HDGFL3: variants seen among roughly 807,000 people sequenced by gnomAD.
HDGFL3 encodes the protein hepatoma-derived growth factor-related protein 3.
In HDGFL3, 6 loss-of-function variants were observed where a neutral mutation model predicts 27.6. The observed-to-expected ratio is 0.22, with a 90% CI of 0.12 to 0.43. The LOEUF (loss-of-function observed/expected upper bound fraction) is 0.43, where lower values mean the gene tolerates loss of function less well. Among genes scored for constraint, HDGFL3 ranks in the 20% least tolerant of loss-of-function variants. The probability of loss-of-function intolerance (pLI) is 1.00; values close to 1 mark genes in which losing one functional copy is unlikely to be tolerated. For synonymous variants in HDGFL3, 88 were observed against 88.9 expected (o/e 0.99, Z 0.05); for missense variants, 207 against 250.1 (o/e 0.83, Z 1.16).
chr15:83,201,675 C>A (rs2037649097), intron 1 of HDGFL3, among the ~76,000 whole-genome samples: 1 of 152,122 alleles, frequency 6.6e-6, no homozygotes, highest in Non-Finnish European at 1.5e-5. Flanking sequence ...AAACTGACTT[C>A]CGAGAATTAA....
At chr15:83,169,855 C>A (rs1487678627) in intron 1 of HDGFL3, among the ~76,000 whole-genome samples, 1 of 152,066 alleles carries the variant, frequency 6.6e-6, no homozygotes, top group Non-Finnish European at 1.5e-5. Context: ...TGGTAACTGA[C>A]AAATGACTTC....
rs1462736727 is a variant in HDGFL3 at position 83,131,746 on chromosome 15, A to T, written c.*7524T>A. 1 of 152,336 alleles carries T rather than the reference A, an allele frequency of 6.6e-6. No homozygotes were observed. Among genetic ancestry groups the T allele is most frequent in the East Asian group, 1.9e-4 (1 of 5,182 alleles). The allele number at this position is 152,336 out of a possible 1,614,324, so 9.4% of individuals were successfully genotyped here. ...AAAAGATCAAGGAAAGAGTAAAAGA[A>T]GATTGAATAAAATGAAACCAGGACA... On this transcript the variant is annotated 3_prime_UTR_variant, in exon 6 of 6. Coordinates refer to ENST00000299633, the MANE Select transcript of HDGFL3 (RefSeq NM_016073.4).
At chr15:83,175,628 G>A (rs778334360) in intron 1 of HDGFL3, among the ~76,000 whole-genome samples, 17 of 152,336 alleles carry the variant, frequency 1.1e-4, no homozygotes, top group Non-Finnish European at 2.2e-4. Flanking sequence ...GGAAGGCCGA[G>A]GTGGGTGGAT....
Position 83,136,014 on chromosome 15 carries a change from C to T in HDGFL3, c.*3256G>A, listed in dbSNP as rs1383200379. 2 of 152,636 alleles carry T rather than the reference C, an allele frequency of 1.3e-5. No homozygotes were observed. Among genetic ancestry groups the T allele is most frequent in the Admixed American group, 1.3e-4 (2 of 15,290 alleles). The allele number at this position is 152,636 out of a possible 1,614,324, so 9.5% of individuals were successfully genotyped here. A position where few individuals can be genotyped will look rare whatever the true frequency, so the allele number is the denominator to read the frequency against. On this transcript the variant is annotated 3_prime_UTR_variant, in exon 6 of 6. Coordinates refer to ENST00000299633, the MANE Select transcript of HDGFL3 (RefSeq NM_016073.4). ...TGAGGTCCCCCCAGTGCTTCCCTTT[C>T]AATAGTTTATGCTAAAAATATTTGT...
At chr15:83,168,566 C>G (rs1470389086) in intron 1 of HDGFL3, among the ~76,000 whole-genome samples, 1 of 152,116 alleles carries the variant, frequency 6.6e-6, no homozygotes, top group Non-Finnish European at 1.5e-5. Flanking sequence ...ACGTACATTC[C>G]TGGAAAGATT....
Position 83,207,343 on chromosome 15 carries a change from G to C in HDGFL3, c.72C>G (p.His24Gln). 1.1e-5 allele frequency: 16 copies of C among 1,401,088 alleles called. No individual in the cohort carries two copies. Among genetic ancestry groups the C allele is most frequent in the Non-Finnish European group, 1.5e-5 (16 of 1,072,936 alleles). The allele number at this position is 1,401,088 out of a possible 1,614,324, so 86.8% of individuals were successfully genotyped here. ...CCGCGGTACTCACCCGGGCCGGCCA[G>C]TGCGGGTAGCCCTTCATCTTGGCGA... ...LVFAKMKGYP[H>Q]WPARIDELPE... Residue 24 changes from histidine (H) to glutamine (Q), a missense_variant, in exon 1 of 6, where the codon CAC becomes CAG. Transcript: ENST00000299633. This position sits in a 1 kb window ranked among gnomAD's most constrained non-coding sequence, Gnocchi z 4.8.
At chr15:83,139,412 A>G (rs2036723393) in intron 5 of HDGFL3, 137 bp from the exon 6 acceptor site, 2 of 460,236 alleles carry the variant, frequency 4.3e-6, no homozygotes, top group African/African-American at 4.0e-5. Context: ...AACAATACTT[A>G]CTGAGCAAGA....
In HDGFL3 at chr15:83,133,120, ATACGGC is replaced by A. The variant is rs2151384955; in HGVS notation, c.*6144_*6149del. On this transcript the variant is annotated 3_prime_UTR_variant, in exon 6 of 6. Transcript: ENST00000299633. The stretch of plus-strand genomic sequence containing the variant: ...TGGGTTCCACACCTCACCCGAGGCC[ATACGGC>A]TGGTTTGTGGTGGAGCTGTGATTTG... 6.6e-6 allele frequency: 1 copy of A among 152,374 alleles called. No homozygotes were observed. Among genetic ancestry groups the A allele is most frequent in the Non-Finnish European group, 1.5e-5 (1 of 68,046 alleles). 9.4% of individuals were successfully genotyped at this position (152,374 alleles called of 1,614,324 possible). A position where few individuals can be genotyped will look rare whatever the true frequency, so the allele number is the denominator to read the frequency against.
intron 2 of HDGFL3, among the ~76,000 whole-genome samples, chr15:83,160,403 T>A (rs2037085119): frequency 6.6e-6 from 1 of 152,060 alleles, no homozygotes; most frequent in Non-Finnish European, 1.5e-5. Context: ...GCCAGGATGG[T>A]TTTGATCTCC....
chr15:83,148,129 A>T (rs907129102), intron 5 of HDGFL3, among the ~76,000 whole-genome samples: 10 of 152,232 alleles, frequency 6.6e-5, no homozygotes, highest in Non-Finnish European at 1.5e-4. Flanking sequence ...TGCCAAGTTA[A>T]TCACAGGGAA....
intron 1 of HDGFL3, among the ~76,000 whole-genome samples, chr15:83,165,949 T>G (rs1364204047): frequency 6.6e-6 from 1 of 151,560 alleles, no homozygotes; most frequent in Non-Finnish European, 1.5e-5. Flanking sequence ...AAATACAGAA[T>G]TATATAAAAT....
intron 1 of HDGFL3, among the ~76,000 whole-genome samples, chr15:83,189,683 G>A (rs1393295203): frequency 6.6e-6 from 1 of 152,164 alleles, no homozygotes; most frequent in African/African-American, 2.4e-5. Context: ...GACAGAAGAT[G>A]TGTCCTTCTT....
intron 1 of HDGFL3, among the ~76,000 whole-genome samples, chr15:83,179,413 C>A (rs1307970380): frequency 1.3e-5 from 2 of 152,192 alleles, no homozygotes; most frequent in African/African-American, 4.8e-5. Flanking sequence ...TGACGATAAT[C>A]TAATTAGGAA....
intron 1 of HDGFL3, among the ~76,000 whole-genome samples, chr15:83,168,557 C>T (rs1041795063): frequency 6.6e-6 from 1 of 152,060 alleles, no homozygotes; most frequent in Admixed American, 6.6e-5. Context: ...AGAAGAAACA[C>T]GTACATTCCT....
intron 3 of HDGFL3, among the ~76,000 whole-genome samples, chr15:83,117,473 CAGA>C (rs1039417690): frequency 1.6e-4 from 24 of 152,082 alleles, no homozygotes; most frequent in African/African-American, 5.8e-4. Flanking sequence ...AGACCATGGC[CAGA>C]AGAAGAGAAG....
chr15:83,207,401 C>A lies in HDGFL3; in HGVS notation c.14G>T (p.Arg5Leu). The A allele has an allele frequency of 1.5e-6, 2 of 1,348,352 alleles. No homozygotes were observed. The highest frequency in any genetic ancestry group is 9.6e-7 in the Non-Finnish European group (1 of 1,045,240). 83.5% of individuals were successfully genotyped at this position (1,348,352 alleles called of 1,614,324 possible). The change falls in exon 1 of 6, where the codon CGG (arginine) becomes CTG (leucine). Residue 5 changes from arginine to leucine, a missense_variant. Arg to Leu is a moderately radical substitution (Grantham distance 102, BLOSUM62 -2). Transcript: ENST00000299633. The surrounding 1 kb of genome is among the most constrained non-coding windows in gnomAD (Gnocchi z 4.8). ...GTCGCCCGCTTTGTACTCGCGGGGC[C>A]GCGGACGCGCCATCCCAGCCGCTCC... MARP[R>L]PREYKAGDLV...
rs1397626506 is a variant in HDGFL3 at position 83,148,644 on chromosome 15, T to C, written c.606+2571A>G. The stretch of plus-strand genomic sequence containing the variant: ...CTCGAAAAAAAAAAAATAATAATAA[T>C]AATTGCAAAAAGCTGGAAACAACCC... On this transcript the variant is annotated intron_variant, in intron 5 of 5. Coordinates refer to ENST00000299633, the MANE Select transcript of HDGFL3 (RefSeq NM_016073.4). 2.0e-5 allele frequency among the ~76,000 whole-genome samples: 3 copies of C among 151,070 alleles called. No homozygotes were observed. The East Asian group carries it at 5.8e-4, about 29-fold the overall frequency.
chr15:83,190,207 CA>C (rs57723810), intron 1 of HDGFL3, among the ~76,000 whole-genome samples: 76,754 of 116,520 alleles, frequency 0.66, 22,984 homozygotes, highest in Admixed American at 0.73. Flanking sequence ...AACTCTGTCT[CA>C]AAAAAAAAAA....
chr15:83,118,492 C>G (rs930161451), intron 3 of HDGFL3, among the ~76,000 whole-genome samples: 12 of 152,164 alleles, frequency 7.9e-5, no homozygotes, highest in African/African-American at 2.9e-4. Flanking sequence ...CAGAGCAAGT[C>G]CAAGAGAAGG....
Sources: allele counts gnomAD v4.1 joint callset (sites outside exome capture counted in the v4.1 genomes callset), GRCh38; gene constraint gnomAD v4.1.1; non-coding constraint Gnocchi (gnomAD v3.1); transcripts MANE v1.5; gene names NCBI Gene and HGNC (gene_info 2026-07-23, HGNC 2026-07-21).